The following SMO variants were observed in gnomAD, a reference collection of about 807,000 sequenced individuals.
The protein encoded by SMO is smoothened, frizzled class receptor, also known as protein smoothened.
SMO carries 40 observed loss-of-function variants against 81.6 expected under a neutral mutation model. The ratio of observed to expected loss-of-function variants is 0.49; its 90% CI spans 0.38 to 0.64. The LOEUF is 0.64. SMO is among the 30% of genes least tolerant of loss of function. The pLI, the probability that SMO is intolerant of heterozygous loss-of-function variation, is 0.00. For missense variants in SMO, 916 were observed against 1,061.1 expected (o/e 0.86, Z 1.90); for synonymous variants, 434 against 432.1 (o/e 1.00, Z -0.05).
intron 1 of SMO, among the ~76,000 whole-genome samples, chr7:129,196,251 A>C (rs918342451): frequency 6.6e-6 from 1 of 151,806 alleles, no homozygotes; most frequent in African/African-American, 2.4e-5. Flanking sequence ...TTTTCCAAGA[A>C]TCCTTTGTGA....
In SMO at chr7:129,211,749, G is replaced by T; in HGVS notation, c.1915G>T (p.Val639Phe). ...RGAILPQDIS[V>F]TPVATPVPPE... Reference sequence around the variant, plus strand: ...AGCCATACTGCCCCAGGATATTTCTGTCACCCCTGTGGCAACTCCAGGTAT... The same window carrying T: ...AGCCATACTGCCCCAGGATATTTCTTTCACCCCTGTGGCAACTCCAGGTAT... Residue 639 changes from valine (V) to phenylalanine (F), a missense_variant, in exon 11 of 12, where the codon GTC becomes TTC. Coordinates refer to ENST00000249373, the MANE Select transcript of SMO (RefSeq NM_005631.5). The surrounding 1 kb of genome is among the most constrained non-coding windows in gnomAD (Gnocchi z 4.6). 6.2e-7 allele frequency: 1 copy of T among 1,614,052 alleles called. No homozygotes were observed. Among genetic ancestry groups the T allele is most frequent in the Non-Finnish European group, 8.5e-7 (1 of 1,180,010 alleles).
intron 1 of SMO, among the ~76,000 whole-genome samples, chr7:129,195,671 TA>T (rs1793561077): frequency 6.6e-6 from 1 of 152,192 alleles, no homozygotes; most frequent in African/African-American, 2.4e-5. Context: ...TATTTATTTA[TA>T]CAATAAATAA....
At position 129,206,417 on chromosome 7, in the gene SMO, G is replaced by A. The variant is rs1470292147; in HGVS notation, c.1141-47G>A. On this transcript the variant is annotated intron_variant, in intron 5 of 11. Transcript: ENST00000249373. The surrounding 1 kb of genome is among the most constrained non-coding windows in gnomAD (Gnocchi z 4.4). ...GAGACCTGGATGGGGTGAGTTTGAG[G>A]GAGGGGGCCAGTAACCCACCTTCTG... is the stretch of plus-strand genomic sequence containing the variant. The A allele has an allele frequency of 3.1e-6, 5 of 1,614,042 alleles. No homozygotes were observed. Among genetic ancestry groups the A allele is most frequent in the South Asian group, 1.1e-5 (1 of 91,078 alleles).
rs781206531 is a variant in SMO at position 129,212,045 on chromosome 7, A to T, written c.1958A>T (p.Asn653Ile). The change falls in exon 12 of 12, where the codon AAC becomes ATC. Residue 653 changes from asparagine (N) to isoleucine (I), a missense_variant. Physicochemically the swap from Asn to Ile is moderately radical, Grantham distance 149. Coordinates refer to ENST00000249373, the MANE Select transcript of SMO (RefSeq NM_005631.5). This position sits in a 1 kb window ranked among gnomAD's most constrained non-coding sequence, Gnocchi z 5.0. ...TCAGTGCCCCCAGAGGAACAAGCCA[A>T]CCTGTGGCTGGTTGAGGCAGAGATC... ...ATPVPPEEQANLWLVEAEISP... is the reference protein window; with the variant it reads ...ATPVPPEEQAILWLVEAEISP... 1 of 1,589,032 alleles carries T rather than the reference A, an allele frequency of 6.3e-7. No individual in the cohort carries two copies. The highest frequency in any genetic ancestry group is 8.5e-7 in the Non-Finnish European group (1 of 1,174,084).
intron 1 of SMO, among the ~76,000 whole-genome samples, chr7:129,192,585 G>A (rs968760705): frequency 1.3e-5 from 2 of 152,130 alleles, no homozygotes; most frequent in African/African-American, 2.4e-5. Flanking sequence ...AGAGACGATG[G>A]CGGTTGGGAC....
intron 2 of SMO, among the ~76,000 whole-genome samples, 173 bp downstream of exon 2, chr7:129,203,762 G>A (rs148054657): frequency 3.3e-5 from 5 of 152,314 alleles, no homozygotes; most frequent in Admixed American, 1.3e-4. Context: ...GGCTGGATCC[G>A]TCTATTAGGG....
intron 1 of SMO, among the ~76,000 whole-genome samples, chr7:129,194,095 G>A (rs183453372): frequency 7.1e-4 from 108 of 151,350 alleles, no homozygotes; most frequent in African/African-American, 2.4e-3. Flanking sequence ...GCAAGACCCT[G>A]TCTCAAAAAT....
Position 129,188,677 on chromosome 7 carries a change from G to A in SMO, c.-475G>A, listed in dbSNP as rs1294541144. Among the ~76,000 whole-genome samples the A allele has an allele frequency of 1.3e-5, 2 of 152,090 alleles. No individual in the cohort carries two copies. The highest frequency in any genetic ancestry group is 4.8e-5 in the African/African-American group (2 of 41,432). On this transcript the variant is annotated 5_prime_UTR_variant, in exon 1 of 12. Transcript: ENST00000249373. This position sits in a 1 kb window ranked among gnomAD's most constrained non-coding sequence, Gnocchi z 4.9. ...GCTAGAGCAACAAAGGAGCCGGGTC[G>A]CCGGCGGGGAGAGTTCGGGGGGCTG...
chr7:129,205,435 C>T (rs1333080660), intron 3 of SMO, 23 bp downstream of exon 3: 4 of 1,599,050 alleles, frequency 2.5e-6, no homozygotes, highest in East Asian at 2.3e-5. Flanking sequence ...AGGGCAGGCC[C>T]GGGGGGCCCT....
chr7:129,211,475 A>T lies in SMO; in HGVS notation c.1802-161A>T. ...TTGGGGACGTGAGGCCCTTCTCTTC[A>T]GATTCTGAAGGGGTAGAGATCACCG... On this transcript the variant is annotated intron_variant, in intron 10 of 11. Coordinates refer to ENST00000249373, the MANE Select transcript of SMO (RefSeq NM_005631.5). The surrounding 1 kb of genome is among the most constrained non-coding windows in gnomAD (Gnocchi z 4.6). The T allele has an allele frequency of 1.2e-6, 1 of 827,226 alleles. No homozygotes were observed. Among genetic ancestry groups the T allele is most frequent in the Non-Finnish European group, 2.0e-6 (1 of 493,886 alleles). 51.2% of individuals were successfully genotyped at this position (827,226 alleles called of 1,614,324 possible). A position where few individuals can be genotyped will look rare whatever the true frequency, so the allele number is the denominator to read the frequency against.
chr7:129,198,668 G>A (rs1793619940), intron 1 of SMO, among the ~76,000 whole-genome samples: 1 of 152,208 alleles, frequency 6.6e-6, no homozygotes, highest in African/African-American at 2.4e-5. Context: ...TAGATACACT[G>A]ATACTCACCG....
rs2150648546 is a variant in SMO, at chr7:129,205,392, C to A, written c.727C>A (p.Leu243Ile). The change falls in exon 3 of 12, where the codon CTC (leucine) becomes ATC (isoleucine). Residue 243 changes from leucine (L) to isoleucine (I), a missense_variant. By Grantham distance (5) the Leu-to-Ile change is conservative (BLOSUM62 2). Around this residue, in one of 4 missense-constraint regions of SMO, gnomAD observed 436 missense variants for 570.9 expected, o/e 0.76. Coordinates refer to ENST00000249373, the MANE Select transcript of SMO (RefSeq NM_005631.5). ...CGCGGCCTTCGGGGCCGTCACGGGCCTCTGCACGCTCTTCACCCTGGTCAG... is the reference window on the plus strand; with the variant it reads ...CGCGGCCTTCGGGGCCGTCACGGGCATCTGCACGCTCTTCACCCTGGTCAG... ...YIAAFGAVTG[L>I]CTLFTLATFV... 1 of 1,610,686 alleles carries A rather than the reference C, an allele frequency of 6.2e-7. No individual in the cohort carries two copies. Among genetic ancestry groups the A allele is most frequent in the Non-Finnish European group, 8.5e-7 (1 of 1,178,454 alleles).
chr7:129,203,249 T>G, intron 1 of SMO, 135 bp from the exon 2 acceptor site: 1 of 667,974 alleles, frequency 1.5e-6, no homozygotes, highest in Non-Finnish European at 2.6e-6. Context: ...GATGCACTGT[T>G]GAGAAACACT....
Position 129,212,669 on chromosome 7 carries a change from G to A in SMO, c.*218G>A. The A allele has an allele frequency of 6.9e-6, 4 of 580,978 alleles. No individual in the cohort carries two copies. Among genetic ancestry groups the A allele is most frequent in the South Asian group, 6.5e-5 (3 of 45,994 alleles). The allele number at this position is 580,978 out of a possible 1,614,324, so 36.0% of individuals were successfully genotyped here. ...GGCCTCACCCCAGGGACAGGGCCCT[G>A]GAGCTCAGGGTCCTTGTTTCTGCCC... is the stretch of plus-strand genomic sequence containing the variant. On this transcript the variant is annotated 3_prime_UTR_variant, in exon 12 of 12. Coordinates refer to ENST00000249373, the MANE Select transcript of SMO (RefSeq NM_005631.5). The surrounding 1 kb of genome is among the most constrained non-coding windows in gnomAD (Gnocchi z 5.0).
chr7:129,192,273 G>C (rs1793492763), intron 1 of SMO, among the ~76,000 whole-genome samples: 1 of 152,154 alleles, frequency 6.6e-6, no homozygotes. Flanking sequence ...GAGGTAGGAG[G>C]GCTTGGTGCT....
At position 129,189,469 on chromosome 7, in the gene SMO, C is replaced by T. The variant is rs1793450485; in HGVS notation, c.318C>T (p.Leu106=). The T allele has an allele frequency of 2.0e-6, 3 of 1,537,356 alleles. No homozygotes were observed. The highest frequency in any genetic ancestry group is 1.2e-5 in the South Asian group (1 of 84,010). The change falls in exon 1 of 12, where the codon CTC becomes CTT. Residue 106 remains leucine, a synonymous_variant. Coordinates refer to ENST00000249373, the MANE Select transcript of SMO (RefSeq NM_005631.5). The surrounding 1 kb of genome is among the most constrained non-coding windows in gnomAD (Gnocchi z 4.7). Reference sequence around the variant, plus strand: ...CCCAGGAGGAAGCGCACGGCAAGCTCGTGCTCTGGTCGGGTAAGTGCGGCG... The same window carrying T: ...CCCAGGAGGAAGCGCACGGCAAGCTTGTGCTCTGGTCGGGTAAGTGCGGCG... ...SDSQEEAHGK[L]VLWSGLRNAP...
At chr7:129,209,517 A>G in intron 8 of SMO, 120 bp downstream of exon 8, 1 of 654,618 alleles carries the variant, frequency 1.5e-6, no homozygotes, top group Non-Finnish European at 2.8e-6. Flanking sequence ...AGCAGATTCA[A>G]TGGATGGTGT....
Position 129,203,517 on chromosome 7 carries a change from C to T in SMO, c.465C>T (p.Ala155=), listed in dbSNP as rs1210738219. Reference sequence around the variant, plus strand: ...GCCAGGCCACCCGAGGCCCCTGTGCCATCGTGGAGAGGGAGCGGGGCTGGC... The same window carrying T: ...GCCAGGCCACCCGAGGCCCCTGTGCTATCGTGGAGAGGGAGCGGGGCTGGC... ...TLCQATRGPC[A]IVERERGWPD... Residue 155 remains alanine (A), a synonymous_variant, in exon 2 of 12, where the codon GCC becomes GCT. Transcript: ENST00000249373. The T allele has an allele frequency of 6.2e-7, 1 of 1,608,086 alleles. No homozygotes were observed. Among genetic ancestry groups the T allele is most frequent in the African/African-American group, 1.3e-5 (1 of 75,040 alleles).
At chr7:129,199,478 C>T (rs1168168252) in intron 1 of SMO, among the ~76,000 whole-genome samples, 1 of 152,152 alleles carries the variant, frequency 6.6e-6, no homozygotes, top group African/African-American at 2.4e-5. Flanking sequence ...CACCACCATG[C>T]TCAGCCTTCT....
Sources: allele counts gnomAD v4.1 joint callset (sites outside exome capture counted in the v4.1 genomes callset), GRCh38; gene constraint gnomAD v4.1.1; regional missense constraint gnomAD v4.1.1; non-coding constraint Gnocchi (gnomAD v3.1); transcripts MANE v1.5; gene names NCBI Gene and HGNC (gene_info 2026-07-23, HGNC 2026-07-21).